The following SGMS1 variants were observed in gnomAD, a reference collection of about 807,000 sequenced individuals.
SGMS1 encodes the protein sphingomyelin synthase 1.
In SGMS1, 13 loss-of-function variants were observed where a neutral mutation model predicts 46.2. The observed-to-expected ratio is 0.28, with a 90% CI of 0.18 to 0.45. The LOEUF (loss-of-function observed/expected upper bound fraction) is 0.45. SGMS1 is among the 20% of genes least tolerant of loss of function. The pLI, the probability that SGMS1 is intolerant of heterozygous loss-of-function variation, is 1.00. For missense variants in SGMS1, 324 were observed against 519.9 expected, an observed-to-expected ratio of 0.62 and a Z score of 3.66; for synonymous variants, 203 against 187.8, an observed-to-expected ratio of 1.08 and a Z score of -0.66.
intron 1 of SGMS1, among the ~76,000 whole-genome samples, chr10:50,616,742 T>C (rs1168108167): frequency 1.3e-5 from 2 of 152,146 alleles, no homozygotes; most frequent in Non-Finnish European, 2.9e-5. Flanking sequence ...AAGATTCAAA[T>C]TATCCTCAAA....
chr10:50,464,570 C>A (rs1588841619), intron 4 of SGMS1, among the ~76,000 whole-genome samples: 1 of 152,204 alleles, frequency 6.6e-6, no homozygotes, highest in East Asian at 1.9e-4. Context: ...GTAGCTGGGA[C>A]TACAGGCATC....
intron 6 of SGMS1, among the ~76,000 whole-genome samples, chr10:50,431,700 T>C (rs1588819468): frequency 6.6e-6 from 1 of 152,190 alleles, no homozygotes; most frequent in East Asian, 1.9e-4. Flanking sequence ...AAACTTAATT[T>C]TGAATCAAAA....
intron 1 of SGMS1, among the ~76,000 whole-genome samples, chr10:50,617,133 A>G (rs1838805778): frequency 6.6e-6 from 1 of 152,218 alleles, no homozygotes; most frequent in Non-Finnish European, 1.5e-5. Flanking sequence ...TAATGGGGAC[A>G]GTTTCAGTTT....
At chr10:50,425,916 T>G (rs1054837254) in intron 6 of SGMS1, among the ~76,000 whole-genome samples, 1 of 152,208 alleles carries the variant, frequency 6.6e-6, no homozygotes, top group African/African-American at 2.4e-5. Flanking sequence ...TATGCATCCC[T>G]TTAATTATAT....
chr10:50,380,422 G>A (rs2133472229), intron 6 of SGMS1, among the ~76,000 whole-genome samples: 1 of 151,552 alleles, frequency 6.6e-6, no homozygotes, highest in African/African-American at 2.4e-5. Context: ...AATGTTGCAA[G>A]CTGTAAAAAT....
At chr10:50,616,919 C>T (rs578216821) in intron 1 of SGMS1, among the ~76,000 whole-genome samples, 68 of 152,238 alleles carry the variant, frequency 4.5e-4, no homozygotes, top group Non-Finnish European at 7.8e-4. Context: ...CAATGCAATG[C>T]CCATCACACT....
intron 7 of SGMS1, among the ~76,000 whole-genome samples, chr10:50,332,409 CTATTT>C (rs913731562): frequency 6.6e-6 from 1 of 152,066 alleles, no homozygotes; most frequent in Non-Finnish European, 1.5e-5. Context: ...TCCTATCCTT[CTATTT>C]TAATTTCTTT....
chr10:50,388,917 C>T (rs192250179), intron 6 of SGMS1, among the ~76,000 whole-genome samples: 71 of 152,132 alleles, frequency 4.7e-4, no homozygotes, highest in African/African-American at 1.5e-3. Flanking sequence ...AAGTCTAGAG[C>T]GCCGATGTAC....
chr10:50,391,779 A>G (rs1001079938), intron 6 of SGMS1, among the ~76,000 whole-genome samples: 14 of 151,890 alleles, frequency 9.2e-5, no homozygotes, highest in African/African-American at 1.9e-4. Flanking sequence ...ATGTCCATCA[A>G]TGATAGACGG....
At chr10:50,574,200 G>T (rs527489499) in intron 2 of SGMS1, among the ~76,000 whole-genome samples, 4 of 152,086 alleles carry the variant, frequency 2.6e-5, no homozygotes, top group Non-Finnish European at 1.5e-5. Flanking sequence ...AATCAACGGA[G>T]TGAAAAGGCA....
chr10:50,564,792 GT>G (rs142564765), intron 2 of SGMS1, among the ~76,000 whole-genome samples: 14,393 of 150,988 alleles, frequency 0.095, 2,054 homozygotes, highest in African/African-American at 0.32. Context: ...TATTTTTTAA[GT>G]TTTTTTTTCT....
intron 2 of SGMS1, among the ~76,000 whole-genome samples, chr10:50,560,186 A>C (rs907618843): frequency 1.4e-5 from 2 of 145,300 alleles, no homozygotes; most frequent in African/African-American, 5.0e-5. Flanking sequence ...ATATATCAGA[A>C]TATATGTGTA....
At chr10:50,554,968 G>A (rs906587185) in intron 2 of SGMS1, among the ~76,000 whole-genome samples, 1 of 152,178 alleles carries the variant, frequency 6.6e-6, no homozygotes, top group African/African-American at 2.4e-5. Flanking sequence ...AGAGGCTCTA[G>A]GCCAACTCTT....
intron 6 of SGMS1, among the ~76,000 whole-genome samples, chr10:50,400,082 G>A (rs958470339): frequency 2.0e-5 from 3 of 151,524 alleles, no homozygotes; most frequent in Non-Finnish European, 2.9e-5. Flanking sequence ...TGCGTGAGGT[G>A]CTAGGAATGG....
At position 50,307,850 on chromosome 10, in the gene SGMS1, C is replaced by T; in HGVS notation, c.1062+132G>A. 1.2e-6 allele frequency: 1 copy of T among 809,314 alleles called. No individual in the cohort carries two copies. Among genetic ancestry groups the T allele is most frequent in the Non-Finnish European group, 2.0e-6 (1 of 510,916 alleles). The allele number at this position is 809,314 out of a possible 1,614,324, so 50.1% of individuals were successfully genotyped here. A position where few individuals can be genotyped will look rare whatever the true frequency, so the allele number is the denominator to read the frequency against. On this transcript the variant is annotated intron_variant, in intron 10 of 10. Transcript: ENST00000361781. The surrounding 1 kb of genome is among the most constrained non-coding windows in gnomAD (Gnocchi z 4.2). ...GAAGAGAATCAATGTCACAAAAAAA[C>T]AATACAATCTTAGTTGATTACTACT...
chr10:50,359,329 T>C (rs961012621), intron 6 of SGMS1, among the ~76,000 whole-genome samples: 4 of 152,204 alleles, frequency 2.6e-5, no homozygotes, highest in African/African-American at 9.7e-5. Context: ...GTAGCTGCCC[T>C]ATAACTTATG....
At chr10:50,402,722 G>T (rs1315950591) in intron 6 of SGMS1, among the ~76,000 whole-genome samples, 1 of 148,750 alleles carries the variant, frequency 6.7e-6, no homozygotes, top group Admixed American at 6.8e-5. Flanking sequence ...CTCAATTTTT[G>T]TTAACCAGAA....
At chr10:50,477,216 T>C (rs1215646233) in intron 3 of SGMS1, among the ~76,000 whole-genome samples, 1 of 152,222 alleles carries the variant, frequency 6.6e-6, no homozygotes, top group African/African-American at 2.4e-5. Context: ...GGCATCAGTG[T>C]GGCCTGGATG....
At chr10:50,563,109 G>GT (rs1838255951) in intron 2 of SGMS1, among the ~76,000 whole-genome samples, 1 of 152,210 alleles carries the variant, frequency 6.6e-6, no homozygotes, top group Admixed American at 6.5e-5. Flanking sequence ...TAACGAACTA[G>GT]TAAGTAGCTC....
Sources: allele counts gnomAD v4.1 joint callset (sites outside exome capture counted in the v4.1 genomes callset), GRCh38; gene constraint gnomAD v4.1.1; non-coding constraint Gnocchi (gnomAD v3.1); transcripts MANE v1.5; gene names NCBI Gene and HGNC (gene_info 2026-07-23, HGNC 2026-07-21).